The following PSG11 variants were observed in gnomAD, a reference collection of about 807,000 sequenced individuals.
The protein encoded by PSG11 is pregnancy specific beta-1-glycoprotein 11.
In PSG11, 42 loss-of-function variants were observed where a neutral mutation model predicts 36.0. The observed-to-expected ratio is 1.17, with a 90% confidence interval of 0.91 to 1.51. The LOEUF (loss-of-function observed/expected upper bound fraction) is 1.51. PSG11 is among the 40% of genes most tolerant of loss of function. PSG11 has a pLI of 0.00. For missense variants in PSG11, 558 were observed against 403.5 expected, an observed-to-expected ratio of 1.38 and a Z score of -3.28; for synonymous variants, 206 against 153.5, an observed-to-expected ratio of 1.34 and a Z score of -2.53.
intron 1 of PSG11, 78 bp from the exon 2 acceptor site, chr19:43,025,134 A>G (rs1967208952): frequency 2.0e-6 from 3 of 1,524,406 alleles, no homozygotes; most frequent in African/African-American, 2.8e-5. Flanking sequence ...AGTCCTGAGA[A>G]GGTCTCTTCA....
rs1288601304 is a variant in PSG11, at chr19:43,015,196, T to G, written c.884A>C (p.His295Pro). Residue 295 changes from histidine to proline, a missense_variant, in exon 4 of 6, where the codon CAT becomes CCT. His to Pro is a moderately conservative substitution (Grantham distance 77). Transcript: ENST00000320078. ...AGCAGAGCAAGCATAGAGCCCATTA[T>G]GCTTTGGAGTAATCTGAGGGATAAA... is the stretch of plus-strand genomic sequence containing the variant. ...KLFIPQITPK[H>P]NGLYACSARN... The G allele has an allele frequency of 6.2e-7, 1 of 1,611,228 alleles. No individual in the cohort carries two copies.
intron 2 of PSG11, among the ~76,000 whole-genome samples, chr19:43,022,668 G>A (rs1967129679): frequency 6.6e-6 from 1 of 151,302 alleles, no homozygotes; most frequent in Non-Finnish European, 1.5e-5. Context: ...AGTGGTTGGA[G>A]GGACTTCCTA....
At chr19:43,014,774 GT>G in intron 4 of PSG11, 2 of 1,212,498 alleles carry the variant, frequency 1.6e-6, no homozygotes, top group Non-Finnish European at 2.2e-6. Context: ...AAACAAAGAC[GT>G]GACAGAAGGG....
intron 3 of PSG11, chr19:43,015,832 T>G: frequency 1.2e-6 from 2 of 1,610,272 alleles, no homozygotes; most frequent in Non-Finnish European, 8.5e-7. Flanking sequence ...TTCACATTGA[T>G]AGGGTCCTGT....
In PSG11 at chr19:43,010,040, A is replaced by T; in HGVS notation, c.966T>A (p.Ala322=). 1 of 1,609,286 alleles carries T rather than the reference A, an allele frequency of 6.2e-7. No homozygotes were observed. Among genetic ancestry groups the T allele is most frequent in the Non-Finnish European group, 8.5e-7 (1 of 1,176,764 alleles). ...AAGCAAAAGTTCCTAATCCTGGAGGAGCTGTCATGGAAAGAAAAGAAAAGA... is the reference window on the plus strand; with the variant it reads ...AAGCAAAAGTTCCTAATCCTGGAGGTGCTGTCATGGAAAGAAAAGAAAAGA... ...SSTSLTIRVI[A]PPGLGTFAFN... Residue 322 remains alanine (A), a splice_region_variant and synonymous_variant, in exon 5 of 6, where the codon GCT becomes GCA. Transcript: ENST00000320078.
At position 43,024,997 on chromosome 19, in the gene PSG11, G is replaced by A. The variant is rs374165115; in HGVS notation, c.124C>T (p.Pro42Ser). The A allele has an allele frequency of 6.2e-7, 1 of 1,611,166 alleles. No homozygotes were observed. The highest frequency in any genetic ancestry group is 8.5e-7 in the Non-Finnish European group (1 of 1,178,522). ...TCCTTCCCCTCGGACACTTTGGGTGGCTGGGCTTCAATCATGACTTGGGCA... is the reference window on the plus strand; with the variant it reads ...TCCTTCCCCTCGGACACTTTGGGTGACTGGGCTTCAATCATGACTTGGGCA... Reference protein sequence around the residue: ...TTAQVMIEAQPPKVSEGKDVL... With the variant: ...TTAQVMIEAQSPKVSEGKDVL... The change falls in exon 2 of 6, where the codon CCA becomes TCA. Residue 42 changes from proline (P) to serine (S), a missense_variant. Pro to Ser is a moderately conservative substitution (Grantham distance 74). Coordinates refer to ENST00000320078, the MANE Select transcript of PSG11 (RefSeq NM_002785.3).
rs948140957 is a variant in PSG11, at chr19:43,014,845, G to C, written c.964+271C>G. 6.7e-5 allele frequency: 90 copies of C among 1,334,162 alleles called. 2 individuals carry two copies. Among genetic ancestry groups the C allele is most frequent in the South Asian group, 6.0e-4 (34 of 56,564 alleles). 82.6% of individuals were successfully genotyped at this position (1,334,162 alleles called of 1,614,324 possible). ...TCAGCACTCTCCTTCTTGTCCCTCT[G>C]TGAAGCCTCTTCTACCACATAGGGC... On this transcript the variant is annotated intron_variant, in intron 4 of 5. Transcript: ENST00000320078.
At chr19:43,022,968 G>C (rs1967139118) in intron 2 of PSG11, among the ~76,000 whole-genome samples, 1 of 150,680 alleles carries the variant, frequency 6.6e-6, no homozygotes, top group African/African-American at 2.5e-5. Flanking sequence ...TTGCCAGTCA[G>C]AATGAAGTGG....
In PSG11 at chr19:43,015,218, T is replaced by A. The variant is rs751829611; in HGVS notation, c.862A>T (p.Ile288Phe). Residue 288 changes from isoleucine (I) to phenylalanine (F), a missense_variant, in exon 4 of 6, where the codon ATC (isoleucine) becomes TTC (phenylalanine). Transcript: ENST00000320078. ...TTATGCTTTGGAGTAATCTGAGGGA[T>A]AAAGAGCTTTTGTCCTGATAGCTGA... The part of the protein sequence containing the change: ...KFQLSGQKLF[I>F]PQITPKHNGL... The A allele has an allele frequency of 6.2e-6, 10 of 1,611,352 alleles. No individual in the cohort carries two copies. The highest frequency in any genetic ancestry group is 4.5e-5 in the East Asian group (2 of 44,802).
intron 2 of PSG11, among the ~76,000 whole-genome samples, chr19:43,023,940 C>A (rs1321955794): frequency 3.3e-5 from 5 of 151,464 alleles, no homozygotes; most frequent in African/African-American, 1.2e-4. Context: ...GAGAAAGCAC[C>A]TTTACGTCAG....
intron 4 of PSG11, among the ~76,000 whole-genome samples, chr19:43,011,903 T>TA (rs398121010): frequency 0.24 from 32,489 of 136,290 alleles, 4,258 homozygotes; most frequent in East Asian, 0.52. Context: ...CTCTCTCTCT[T>TA]AAAAAAAAAA....
rs774584323 is a variant in PSG11 at position 43,018,862 on chromosome 19, C to G, written c.617G>C (p.Gly206Ala). ...GGGTCCTGCAGTATACTTTGTGACACCAAATAGAAAGAGGGTCCTGTTGGT... is the reference window on the plus strand; with the variant it reads ...GGGTCCTGCAGTATACTTTGTGACAGCAAATAGAAAGAGGGTCCTGTTGGT... Reference protein sequence around the residue: ...SETNRTLFLFGVTKYTAGPYE... With the variant: ...SETNRTLFLFAVTKYTAGPYE... The change falls in exon 3 of 6, where the codon GGT (glycine) becomes GCT (alanine). Residue 206 changes from glycine (G) to alanine (A), a missense_variant. Transcript: ENST00000320078. The G allele has an allele frequency of 3.7e-6, 6 of 1,611,912 alleles. No individual in the cohort carries two copies. Among genetic ancestry groups the G allele is most frequent in the Middle Eastern group, 3.3e-4 (2 of 6,076 alleles).
intron 4 of PSG11, 44 bp downstream of exon 4, chr19:43,015,072 C>G (rs1180310747): frequency 6.2e-7 from 1 of 1,610,546 alleles, no homozygotes. Flanking sequence ...GCTAGATAGA[C>G]TCCACCTAAA....
chr19:43,025,164 C>CACAG (rs1967210264), intron 1 of PSG11, 108 bp from the exon 2 acceptor site: 1 of 1,255,642 alleles, frequency 8.0e-7, no homozygotes, highest in Non-Finnish European at 1.1e-6. Context: ...CTTGAAGACA[C>CACAG]ACACACACAC....
chr19:43,023,810 G>A (rs1023750937), intron 2 of PSG11, among the ~76,000 whole-genome samples: 3 of 151,268 alleles, frequency 2.0e-5, no homozygotes, highest in African/African-American at 7.3e-5. Context: ...AATGGCAAAT[G>A]GACTGTGGCT....
Position 43,010,043 on chromosome 19 carries a change from T to C in PSG11, c.965-2A>G. 13 of 1,608,938 alleles carry C rather than the reference T, an allele frequency of 8.1e-6. No individual in the cohort carries two copies. The highest frequency in any genetic ancestry group is 1.1e-5 in the Non-Finnish European group (13 of 1,176,538). ...CAAAAGTTCCTAATCCTGGAGGAGC[T>C]GTCATGGAAAGAAAAGAAAAGAAGG... On this transcript the variant is annotated splice_acceptor_variant, in intron 4 of 5. Transcript: ENST00000320078. LOFTEE classifies it high-confidence loss of function.
In PSG11 at chr19:43,009,992, C is replaced by G. The variant is rs773538928; in HGVS notation, c.*6G>C. ...TTCCTGAAATACAAAAATGACATCA[C>G]GGCTGCTACGTTGGATTATTGAAAG... On this transcript the variant is annotated 3_prime_UTR_variant, in exon 5 of 6. Coordinates refer to ENST00000320078, the MANE Select transcript of PSG11 (RefSeq NM_002785.3). 2 of 1,606,072 alleles carry G rather than the reference C, an allele frequency of 1.2e-6. No individual in the cohort carries two copies. The highest frequency in any genetic ancestry group is 2.7e-5 in the African/African-American group (2 of 74,128).
chr19:43,019,110 T>C, intron 2 of PSG11, 62 bp from the exon 3 acceptor site: 1 of 1,576,722 alleles, frequency 6.3e-7, no homozygotes, highest in African/African-American at 1.4e-5. Flanking sequence ...CAAAGGCATT[T>C]TTCAATCAGA....
rs576007125 is a variant in PSG11 at position 43,025,311 on chromosome 19, C to A, written c.65-255G>T. The A allele has an allele frequency of 1.9e-4, 121 of 648,314 alleles. 2 individuals carry two copies. The highest frequency in any genetic ancestry group is 1.7e-3 in the African/African-American group (90 of 54,376). 40.2% of individuals were successfully genotyped at this position (648,314 alleles called of 1,614,324 possible). A position where few individuals can be genotyped will look rare whatever the true frequency, so the allele number is the denominator to read the frequency against. On this transcript the variant is annotated intron_variant, in intron 1 of 5. Coordinates refer to ENST00000320078, the MANE Select transcript of PSG11 (RefSeq NM_002785.3). ...ATTCCTTCAACACTTCTGACCTTGG[C>A]ATTTTTCTGTTTGGAATCCTCTTCC...
Sources: allele counts gnomAD v4.1 joint callset (sites outside exome capture counted in the v4.1 genomes callset), GRCh38; gene constraint gnomAD v4.1.1; transcripts MANE v1.5; gene names NCBI Gene and HGNC (gene_info 2026-07-23, HGNC 2026-07-21).